Variants in SEPTIN9 observed in about 807,000 individuals in gnomAD.
SEPTIN9 encodes septin 9.
SEPTIN9 carries 13 observed loss-of-function variants against 56.6 expected under a neutral mutation model. The observed-to-expected ratio is 0.23, with a 90% CI of 0.15 to 0.37. The LOEUF (loss-of-function observed/expected upper bound fraction) is 0.37. Ranked by LOEUF, SEPTIN9 falls within the 10% of genes least tolerant of loss-of-function variation. The pLI, the probability that SEPTIN9 is intolerant of heterozygous loss-of-function variation, is 1.00. For missense variants in SEPTIN9, 650 were observed against 823.1 expected, an observed-to-expected ratio of 0.79 and a Z score of 2.57; for synonymous variants, 332 against 334.1, an observed-to-expected ratio of 0.99 and a Z score of 0.07.
intron 2 of SEPTIN9, among the ~76,000 whole-genome samples, chr17:77,339,794 G>A (rs1033245030): frequency 2.7e-5 from 4 of 148,700 alleles, no homozygotes; most frequent in Non-Finnish European, 5.9e-5. Flanking sequence ...ACAGGCATGA[G>A]CCACTGCACC....
intron 2 of SEPTIN9, among the ~76,000 whole-genome samples, chr17:77,392,400 C>T (rs761369696): frequency 1.3e-5 from 2 of 152,186 alleles, no homozygotes; most frequent in South Asian, 2.1e-4. Context: ...ATACTATTGA[C>T]GCTCCCTGCA....
chr17:77,489,209 C>T (rs572286407), intron 7 of SEPTIN9, among the ~76,000 whole-genome samples: 7 of 152,304 alleles, frequency 4.6e-5, no homozygotes, highest in East Asian at 1.9e-4. Context: ...GCACCCGTAG[C>T]GGTGACTGAC....
intron 3 of SEPTIN9, among the ~76,000 whole-genome samples, chr17:77,471,273 T>C (rs925600628): frequency 3.3e-5 from 5 of 152,074 alleles, no homozygotes; most frequent in African/African-American, 7.2e-5. Context: ...TCCCTGCCTG[T>C]CCCCTACCCC....
At chr17:77,372,231 G>A (rs935543277) in intron 2 of SEPTIN9, among the ~76,000 whole-genome samples, 2 of 152,224 alleles carry the variant, frequency 1.3e-5, no homozygotes, top group Non-Finnish European at 2.9e-5. Flanking sequence ...GCATGCAGGA[G>A]TGGGTTTCTG....
At position 77,500,077 on chromosome 17, in the gene SEPTIN9, A is replaced by AT; in HGVS notation, c.*1419_*1420insT. Reference sequence around the variant, plus strand: ...TGGGGAGAAAGAGGGGCCTGATGAGACTCCACTCAGGTGCACACATCACCA... The same window carrying AT: ...TGGGGAGAAAGAGGGGCCTGATGAGATCTCCACTCAGGTGCACACATCACCA... On this transcript the variant is annotated 3_prime_UTR_variant, in exon 12 of 12. Transcript: ENST00000427177. The AT allele has an allele frequency of 4.3e-6, 1 of 233,336 alleles. No individual in the cohort carries two copies. Among genetic ancestry groups the AT allele is most frequent in the Non-Finnish European group, 8.4e-6 (1 of 118,444 alleles). The allele number at this position is 233,336 out of a possible 1,614,324, so 14.5% of individuals were successfully genotyped here. A position where few individuals can be genotyped will look rare whatever the true frequency, so the allele number is the denominator to read the frequency against.
At chr17:77,383,329 A>G (rs1199062954) in intron 2 of SEPTIN9, among the ~76,000 whole-genome samples, 1 of 152,072 alleles carries the variant, frequency 6.6e-6, no homozygotes, top group African/African-American at 2.4e-5. Context: ...AGCACCTCCT[A>G]GGTGCCAGGC....
chr17:77,443,692 G>A (rs1283180074), intron 3 of SEPTIN9, among the ~76,000 whole-genome samples: 1 of 152,102 alleles, frequency 6.6e-6, no homozygotes, highest in Non-Finnish European at 1.5e-5. Flanking sequence ...AGCTACGGGG[G>A]AGGCTGTGGC....
intron 2 of SEPTIN9, among the ~76,000 whole-genome samples, chr17:77,368,300 G>T (rs1598263007): frequency 6.6e-6 from 1 of 150,972 alleles, no homozygotes; most frequent in Non-Finnish European, 1.5e-5. Flanking sequence ...TGGTAAATTT[G>T]TCTTTTTTGT....
At chr17:77,306,744 G>A (rs990163371) in intron 1 of SEPTIN9, among the ~76,000 whole-genome samples, 1 of 152,168 alleles carries the variant, frequency 6.6e-6, no homozygotes, top group African/African-American at 2.4e-5. Context: ...AGGAGACTCC[G>A]TCCAGCAGAG....
rs914843392 is a variant in SEPTIN9 at position 77,369,816 on chromosome 17, G to T, written c.77-32243G>T. On this transcript the variant is annotated intron_variant, in intron 2 of 11. Transcript: ENST00000427177. The surrounding 1 kb of genome is among the most constrained non-coding windows in gnomAD (Gnocchi z 4.9). ...CTCTCCATGGAGGCTGTGCCTGGAG[G>T]GGGGTCATGGATATGGATGTGTGCG... is the stretch of plus-strand genomic sequence containing the variant. Among the ~76,000 whole-genome samples the T allele has an allele frequency of 1.3e-5, 2 of 152,188 alleles. No individual in the cohort carries two copies. The highest frequency in any genetic ancestry group is 4.8e-5 in the African/African-American group (2 of 41,446).
intron 2 of SEPTIN9, chr17:77,376,851 C>G (rs2034942519): frequency 6.6e-6 from 1 of 152,338 alleles, no homozygotes; most frequent in Non-Finnish European, 1.5e-5. Flanking sequence ...CCCTGGGGAG[C>G]ACCTTTCTCT....
intron 2 of SEPTIN9, among the ~76,000 whole-genome samples, chr17:77,363,434 C>A (rs934551042): frequency 1.6e-5 from 2 of 121,474 alleles, no homozygotes; most frequent in Admixed American, 1.1e-4. Flanking sequence ...GTTGCCCAGG[C>A]TGGAGTGCAG....
rs1203393046 is a variant in SEPTIN9 at position 77,437,187 on chromosome 17, C to T, written c.721+34484C>T. Among the ~76,000 whole-genome samples, 1 of 152,224 alleles carries T rather than the reference C, an allele frequency of 6.6e-6. No individual in the cohort carries two copies. Among genetic ancestry groups the T allele is most frequent in the Admixed American group, 6.5e-5 (1 of 15,290 alleles). ...ATTCTGTGACTCCTCCTCACCCCAC[C>T]CCAGTGGGGCCCTGCGAGGGAAAGA... is the stretch of plus-strand genomic sequence containing the variant. On this transcript the variant is annotated intron_variant, in intron 3 of 11. Transcript: ENST00000427177. The surrounding 1 kb of genome is among the most constrained non-coding windows in gnomAD (Gnocchi z 5.3).
rs1365816689 is a variant in SEPTIN9, at chr17:77,500,351, G to T, written c.*1693G>T. On this transcript the variant is annotated 3_prime_UTR_variant, in exon 12 of 12. Transcript: ENST00000427177. ...GCCAGCGCCAGGGCCCAGGCCATGT[G>T]GCCTGCCCAGCCTCAATGTCACTTG... 4 of 225,514 alleles carry T rather than the reference G, an allele frequency of 1.8e-5. No individual in the cohort carries two copies. In the Admixed American group the frequency reaches 2.3e-4, roughly 13 times the overall value. The allele number at this position is 225,514 out of a possible 1,614,324, so 14.0% of individuals were successfully genotyped here. A position where few individuals can be genotyped will look rare whatever the true frequency, so the allele number is the denominator to read the frequency against.
At position 77,453,596 on chromosome 17, in the gene SEPTIN9, ACT is replaced by A. The variant is rs1302256827; in HGVS notation, c.722-28545_722-28544del. On this transcript the variant is annotated intron_variant, in intron 3 of 11. Coordinates refer to ENST00000427177, the MANE Select transcript of SEPTIN9 (RefSeq NM_001113491.2). This position sits in a 1 kb window ranked among gnomAD's most constrained non-coding sequence, Gnocchi z 4.4. ...CTCCAGTCTGGGCAACAAGAGTGAA[ACT>A]CTGTCTCAAAAAAAAAAAAAAAAAG... Among the ~76,000 whole-genome samples the A allele has an allele frequency of 2.8e-5, 4 of 143,834 alleles. No homozygotes were observed. Among genetic ancestry groups the A allele is most frequent in the East Asian group, 4.1e-4 (2 of 4,878 alleles). 94.4% of individuals were successfully genotyped at this position (143,834 alleles called of 152,430 possible).
In SEPTIN9 at chr17:77,435,102, T is replaced by C. The variant is rs1199417852; in HGVS notation, c.721+32399T>C. On this transcript the variant is annotated intron_variant, in intron 3 of 11. Transcript: ENST00000427177. The surrounding 1 kb of genome is among the most constrained non-coding windows in gnomAD (Gnocchi z 4.5). ...AATCCTCCCAACAACACTGTGAAATTGATTCTGTTGTTATTCCCATTTCAC... is the reference window on the plus strand; with the variant it reads ...AATCCTCCCAACAACACTGTGAAATCGATTCTGTTGTTATTCCCATTTCAC... Among the ~76,000 whole-genome samples, 2 of 152,104 alleles carry C rather than the reference T, an allele frequency of 1.3e-5. No homozygotes were observed. The highest frequency in any genetic ancestry group is 4.8e-5 in the African/African-American group (2 of 41,396).
At chr17:77,354,829 T>C (rs868233788) in intron 2 of SEPTIN9, among the ~76,000 whole-genome samples, 1 of 152,178 alleles carries the variant, frequency 6.6e-6, no homozygotes. Flanking sequence ...CTTGAGGACG[T>C]TGACCCCTGG....
chr17:77,303,117 T>C (rs1285759754), intron 1 of SEPTIN9, among the ~76,000 whole-genome samples: 1 of 151,954 alleles, frequency 6.6e-6, no homozygotes, highest in Non-Finnish European at 1.5e-5. Context: ...TTATTATTTT[T>C]TGAAACAGAG....
rs1187537735 is a variant in SEPTIN9 at position 77,367,672 on chromosome 17, C to T, written c.77-34387C>T. 4.6e-5 allele frequency among the ~76,000 whole-genome samples: 7 copies of T among 151,816 alleles called. No individual in the cohort carries two copies. Among genetic ancestry groups the T allele is most frequent in the African/African-American group, 1.5e-4 (6 of 41,300 alleles). On this transcript the variant is annotated intron_variant, in intron 2 of 11. Transcript: ENST00000427177. The surrounding 1 kb of genome is among the most constrained non-coding windows in gnomAD (Gnocchi z 4.5). ...CTCTACTAAAAAAACAAAAATTAGC[C>T]GGGCATGGTAGCGGGTGCCTGTAAT...
Sources: gnomAD v4.1 joint callset for allele counts (sites outside exome capture counted in the v4.1 genomes callset) on GRCh38, gnomAD v4.1.1 for gene constraint, Gnocchi (gnomAD v3.1) non-coding constraint, MANE v1.5 for transcripts, NCBI Gene and HGNC (gene_info 2026-07-23, HGNC 2026-07-21) for gene names.